Variants in LRRFIP1 observed in about 807,000 individuals in gnomAD.
LRRFIP1 encodes the protein LRR binding FLII interacting protein 1.
LRRFIP1 carries 62 observed loss-of-function variants against 104.4 expected under a neutral mutation model. That is an observed-to-expected ratio of 0.59 (90% confidence interval 0.48 to 0.73). LRRFIP1 has a LOEUF of 0.73. Ranked by LOEUF, LRRFIP1 falls within the 30% of genes least tolerant of loss-of-function variation. LRRFIP1 has a pLI of 0.00. For missense variants in LRRFIP1, 796 were observed against 824.5 expected (o/e 0.97, Z 0.42); for synonymous variants, 300 against 299.0 (o/e 1.00, Z -0.03).
intron 11 of LRRFIP1, among the ~76,000 whole-genome samples, chr2:237,743,207 G>T (rs2057356235): frequency 6.6e-6 from 1 of 152,042 alleles, no homozygotes; most frequent in Non-Finnish European, 1.5e-5. Flanking sequence ...ATGAAGTCAG[G>T]GTCAGCCCTG....
intron 19 of LRRFIP1, among the ~76,000 whole-genome samples, chr2:237,767,826 A>G (rs1212693709): frequency 6.6e-6 from 1 of 152,194 alleles, no homozygotes; most frequent in African/African-American, 2.4e-5. Context: ...GGAACACAAC[A>G]GTAAGATTTG....
intron 11 of LRRFIP1, among the ~76,000 whole-genome samples, 160 bp downstream of exon 11, chr2:237,739,469 G>C (rs1258108624): frequency 6.6e-6 from 1 of 152,214 alleles, no homozygotes; most frequent in Non-Finnish European, 1.5e-5. Flanking sequence ...GAAATTGTTA[G>C]CTGTGCTTAG....
chr2:237,630,188 A>T (rs1051703490), intron 1 of LRRFIP1, among the ~76,000 whole-genome samples: 1 of 152,156 alleles, frequency 6.6e-6, no homozygotes, highest in African/African-American at 2.4e-5. Flanking sequence ...AGCAGGTGTG[A>T]CATCTTATGT....
At chr2:237,745,601 C>T (rs751124009) in intron 11 of LRRFIP1, among the ~76,000 whole-genome samples, 1 of 152,178 alleles carries the variant, frequency 6.6e-6, no homozygotes. Flanking sequence ...CCTGCCCCCC[C>T]AAAATCAAGG....
chr2:237,708,411 A>G lies in LRRFIP1; in HGVS notation c.97-133A>G, dbSNP rs575555368. Reference sequence around the variant, plus strand: ...TTGCTCCTGACCACCCTTTTACTCTATGAATCTGGAATTTATTGCTGTATA... The same window carrying G: ...TTGCTCCTGACCACCCTTTTACTCTGTGAATCTGGAATTTATTGCTGTATA... On this transcript the variant is annotated intron_variant, in intron 1 of 23. Transcript: ENST00000308482. 2.4e-4 allele frequency: 155 copies of G among 644,324 alleles called. 2 individuals carry two copies. In the South Asian group the frequency reaches 3.1e-3, roughly 13 times the overall value. The allele number at this position is 644,324 out of a possible 1,614,324, so 39.9% of individuals were successfully genotyped here. A position where few individuals can be genotyped will look rare whatever the true frequency, so the allele number is the denominator to read the frequency against.
intron 1 of LRRFIP1, among the ~76,000 whole-genome samples, chr2:237,675,711 A>C (rs933147583): frequency 4.6e-5 from 7 of 152,280 alleles, no homozygotes; most frequent in Admixed American, 4.6e-4. Context: ...AACACTGGAA[A>C]AGAAAAGTAA....
intron 23 of LRRFIP1, among the ~76,000 whole-genome samples, chr2:237,775,013 A>G (rs1415186815): frequency 3.9e-5 from 6 of 152,274 alleles, no homozygotes; most frequent in African/African-American, 1.4e-4. Flanking sequence ...TGTTTGTTCA[A>G]CAAATATTTA....
chr2:237,746,876 C>T (rs2057943305), intron 11 of LRRFIP1, among the ~76,000 whole-genome samples: 1 of 152,210 alleles, frequency 6.6e-6, no homozygotes, highest in South Asian at 2.1e-4. Flanking sequence ...GACCACCCCA[C>T]CACCACCCTG....
intron 1 of LRRFIP1, among the ~76,000 whole-genome samples, chr2:237,688,686 T>C (rs2092564802): frequency 6.6e-6 from 1 of 152,218 alleles, no homozygotes; most frequent in East Asian, 1.9e-4. Context: ...CTCGAACTCC[T>C]GGGCTCAGGT....
intron 1 of LRRFIP1, among the ~76,000 whole-genome samples, chr2:237,666,626 T>G (rs1312171726): frequency 7.0e-6 from 1 of 143,110 alleles, no homozygotes; most frequent in African/African-American, 2.6e-5. Flanking sequence ...TGGTGACGGG[T>G]TGCAGGCAAG....
At chr2:237,730,606 G>T (rs750069831) in intron 8 of LRRFIP1, among the ~76,000 whole-genome samples, 1 of 152,124 alleles carries the variant, frequency 6.6e-6, no homozygotes. Flanking sequence ...CAGGAAAAAA[G>T]ATGTGAGCTG....
In LRRFIP1 at chr2:237,735,272, C is replaced by G. The variant is rs2150377507; in HGVS notation, c.494C>G (p.Ser165Cys). 6.2e-7 allele frequency: 1 copy of G among 1,613,472 alleles called. No individual in the cohort carries two copies. The highest frequency in any genetic ancestry group is 8.5e-7 in the Non-Finnish European group (1 of 1,179,790). Residue 165 changes from serine to cysteine, a missense_variant, in exon 10 of 24, where the codon TCT (serine) becomes TGT (cysteine). Transcript: ENST00000308482. This position sits in a 1 kb window ranked among gnomAD's most constrained non-coding sequence, Gnocchi z 4.6. ...AARPSGSYRA[S>C]VLDEGSFGGT... is the part of the protein sequence containing the mutation. ...GACAGTCTCTTTTGGTCGCAGGCGT[C>G]TGTGTTGGATGAAGGCAGCTTCGGT...
At chr2:237,725,039 G>A (rs956287675) in intron 7 of LRRFIP1, among the ~76,000 whole-genome samples, 2 of 152,204 alleles carry the variant, frequency 1.3e-5, no homozygotes, top group African/African-American at 2.4e-5. Context: ...ATAACACTGC[G>A]TGGTAGCCAT....
rs553633284 is a variant in LRRFIP1 at position 237,648,355 on chromosome 2, G to T, written c.96+20615G>T. Among the ~76,000 whole-genome samples, 11 of 152,068 alleles carry T rather than the reference G, an allele frequency of 7.2e-5. No individual in the cohort carries two copies. In the South Asian group the frequency reaches 2.3e-3, roughly 32 times the overall value. Reference sequence around the variant, plus strand: ...CTGCTCTTTCCCTATTTTAGGGATTGTTCTTTGCTGAAATTATGTGGCACA... The same window carrying T: ...CTGCTCTTTCCCTATTTTAGGGATTTTTCTTTGCTGAAATTATGTGGCACA... On this transcript the variant is annotated intron_variant, in intron 1 of 23. Transcript: ENST00000308482.
At chr2:237,758,527 A>G (rs894227827) in intron 17 of LRRFIP1, among the ~76,000 whole-genome samples, 5 of 152,224 alleles carry the variant, frequency 3.3e-5, no homozygotes, top group Non-Finnish European at 7.3e-5. Context: ...TGGAGTATGA[A>G]CAGTAACATT....
intron 1 of LRRFIP1, among the ~76,000 whole-genome samples, chr2:237,656,188 A>G (rs1300956994): frequency 4.6e-5 from 7 of 152,240 alleles, no homozygotes; most frequent in African/African-American, 1.7e-4. Context: ...AAACTAAATA[A>G]AACAAAACCA....
chr2:237,699,723 CG>C (rs1559584158), intron 1 of LRRFIP1, among the ~76,000 whole-genome samples: 1 of 152,224 alleles, frequency 6.6e-6, no homozygotes. Flanking sequence ...TGTCTGAATG[CG>C]GGATGGTTGG....
chr2:237,713,163 C>T (rs3769089), intron 2 of LRRFIP1, among the ~76,000 whole-genome samples: 51 of 151,906 alleles, frequency 3.4e-4, no homozygotes, highest in East Asian at 2.7e-3. Context: ...GGGGAGGTGG[C>T]GAGGAGACAC....
At chr2:237,751,128 T>C in intron 13 of LRRFIP1, 72 bp from the exon 14 acceptor site, 1 of 1,070,180 alleles carries the variant, frequency 9.3e-7, no homozygotes, top group Non-Finnish European at 1.4e-6. Flanking sequence ...GAAACTACCC[T>C]GAAGTATAAA....
Sources: allele counts gnomAD v4.1 joint callset (sites outside exome capture counted in the v4.1 genomes callset), GRCh38; gene constraint gnomAD v4.1.1; non-coding constraint Gnocchi (gnomAD v3.1); transcripts MANE v1.5; gene names NCBI Gene and HGNC (gene_info 2026-07-23, HGNC 2026-07-21).